CACNA2D4: variants seen among roughly 807,000 people sequenced by gnomAD.
The protein encoded by CACNA2D4 is voltage-dependent calcium channel subunit alpha-2/delta-4.
In CACNA2D4, 157 loss-of-function variants were observed where a neutral mutation model predicts 163.8. That is an observed-to-expected ratio of 0.96 (90% CI 0.84 to 1.09). The LOEUF is 1.09. CACNA2D4 is among the 50% of genes least tolerant of loss of function. CACNA2D4 has a pLI of 0.00. For missense variants in CACNA2D4, 1,410 were observed against 1,479.9 expected, an observed-to-expected ratio of 0.95 and a Z score of 0.78; for synonymous variants, 598 against 586.9, an observed-to-expected ratio of 1.02 and a Z score of -0.27.
In CACNA2D4 at chr12:1,879,865, G is replaced by A; in HGVS notation, c.1502C>T (p.Ala501Val). Residue 501 changes from alanine to valine, a missense_variant, in exon 14 of 38, where the codon GCT (alanine) becomes GTT (valine). Coordinates refer to ENST00000382722, the MANE Select transcript of CACNA2D4 (RefSeq NM_172364.5). ...AGTGGTGAGCAGTGTCAGGCTCTGA[G>A]CCTGCGAGCTGAGGAGCTGTAAGGG... is the stretch of plus-strand genomic sequence containing the variant. ...YMDSKLLSSQ[A>V]QSLTLLTTVA... 1.3e-6 allele frequency: 2 copies of A among 1,599,540 alleles called. No individual in the cohort carries two copies. Among genetic ancestry groups the A allele is most frequent in the South Asian group, 2.3e-5 (2 of 87,970 alleles).
rs564059809 is a variant in CACNA2D4, at chr12:1,913,037, C to T, written c.412G>A (p.Val138Ile). ...GCCTGGAGTACCTGGACCGCCTCGA[C>T]TTTCCTCCGCAGCATGTTCTCCATG... ...EDMENMLRRK[V>I]EAVQNLVEAA... Residue 138 changes from valine to isoleucine, a missense_variant, in exon 3 of 38, where the codon GTC becomes ATC. Coordinates refer to ENST00000382722, the MANE Select transcript of CACNA2D4 (RefSeq NM_172364.5). The T allele has an allele frequency of 6.2e-7, 1 of 1,612,992 alleles. No individual in the cohort carries two copies. Among genetic ancestry groups the T allele is most frequent in the Admixed American group, 1.7e-5 (1 of 60,012 alleles).
intron 18 of CACNA2D4, among the ~76,000 whole-genome samples, chr12:1,872,300 AAGTTTGGCCCC>A (rs1865803253): frequency 6.6e-6 from 1 of 152,134 alleles, no homozygotes; most frequent in East Asian, 1.9e-4. Flanking sequence ...TAACAAATAC[AAGTTTGGCCCC>A]ATAGGTTTCT....
intron 20 of CACNA2D4, among the ~76,000 whole-genome samples, chr12:1,857,797 T>G (rs962021068): frequency 6.6e-6 from 1 of 152,196 alleles, no homozygotes; most frequent in African/African-American, 2.4e-5. Flanking sequence ...TCAAAAGATA[T>G]GTTGAAGTCC....
chr12:1,793,675 G>C lies in CACNA2D4; in HGVS notation c.3394C>G (p.Leu1132Val). The change falls in exon 38 of 38, where the codon CTG becomes GTG. Residue 1132 changes from leucine (L) to valine (V), a missense_variant. Leu to Val is a conservative substitution (Grantham distance 32). Transcript: ENST00000382722. ...LLLPVCAWGL[L>V]PQLLR ...TGGTGTCACCGCAGGAGTTGGGGCA[G>C]TAGCCCCCAGGCACACACAGGCAGC... 6.2e-7 allele frequency: 1 copy of C among 1,613,746 alleles called. No individual in the cohort carries two copies. The highest frequency in any genetic ancestry group is 8.5e-7 in the Non-Finnish European group (1 of 1,179,766).
intron 26 of CACNA2D4, among the ~76,000 whole-genome samples, chr12:1,827,053 G>A (rs1864361342): frequency 6.6e-6 from 1 of 152,244 alleles, no homozygotes; most frequent in African/African-American, 2.4e-5. Flanking sequence ...GAGGCTGGGA[G>A]CCGCCTGGAG....
intron 6 of CACNA2D4, among the ~76,000 whole-genome samples, chr12:1,890,663 A>G (rs906328747): frequency 6.6e-6 from 1 of 152,160 alleles, no homozygotes; most frequent in Admixed American, 6.5e-5. Flanking sequence ...GCATTCCACC[A>G]GGGGCCAAGG....
At chr12:1,822,992 T>C (rs4765846) in intron 26 of CACNA2D4, among the ~76,000 whole-genome samples, 49,845 of 152,154 alleles carry the variant, frequency 0.33, 8,481 homozygotes, top group Admixed American at 0.4. Context: ...GTGGCTCTGC[T>C]TCTCTCTGGC....
chr12:1,811,873 CTG>C, intron 26 of CACNA2D4, 150 bp from the exon 27 acceptor site: 1 of 617,818 alleles, frequency 1.6e-6, no homozygotes, highest in Non-Finnish European at 2.8e-6. Flanking sequence ...AGAGTGCAAA[CTG>C]GGGTTTCTGG....
intron 27 of CACNA2D4, among the ~76,000 whole-genome samples, chr12:1,811,168 T>C (rs1481726470): frequency 6.6e-6 from 1 of 152,118 alleles, no homozygotes; most frequent in African/African-American, 2.4e-5. Flanking sequence ...TGCAGGAGAT[T>C]GAGGCTGAGG....
intron 6 of CACNA2D4, among the ~76,000 whole-genome samples, chr12:1,894,851 A>C (rs2154450184): frequency 6.6e-6 from 1 of 152,226 alleles, no homozygotes; most frequent in Admixed American, 6.5e-5. Flanking sequence ...CACTTTCACC[A>C]CTCCTATTCA....
At chr12:1,867,159 G>A (rs1865670080) in intron 18 of CACNA2D4, among the ~76,000 whole-genome samples, 1 of 152,116 alleles carries the variant, frequency 6.6e-6, no homozygotes, top group African/African-American at 2.4e-5. Flanking sequence ...GGACTATGAA[G>A]TACCCAGATG....
At chr12:1,896,264 C>T (rs1403762965) in intron 6 of CACNA2D4, among the ~76,000 whole-genome samples, 2 of 152,060 alleles carry the variant, frequency 1.3e-5, no homozygotes, top group Non-Finnish European at 2.9e-5. Flanking sequence ...AAAGCTTCTG[C>T]ACAGCAAAGG....
At chr12:1,814,837 A>G (rs1484915628) in intron 26 of CACNA2D4, among the ~76,000 whole-genome samples, 1 of 152,190 alleles carries the variant, frequency 6.6e-6, no homozygotes, top group Non-Finnish European at 1.5e-5. Context: ...TGAAGATCAA[A>G]TCACACCACT....
At chr12:1,846,178 G>C (rs545108671) in intron 24 of CACNA2D4, among the ~76,000 whole-genome samples, 1 of 152,168 alleles carries the variant, frequency 6.6e-6, no homozygotes, top group Non-Finnish European at 1.5e-5. Context: ...ACAGCCAGAA[G>C]ATTCAGCCTG....
intron 34 of CACNA2D4, 129 bp from the exon 35 acceptor site, chr12:1,797,664 G>A: frequency 1.3e-6 from 1 of 749,262 alleles, no homozygotes; most frequent in Non-Finnish European, 2.3e-6. Context: ...GCAGTTCTCA[G>A]GACACGCGTG....
In CACNA2D4 at chr12:1,799,907, C is replaced by T; in HGVS notation, c.2974+93G>A. ...ACGATGCTTCAGGGTCACCTATCCC[C>T]ACTGTCACCCACCCCACAGGGAATG... On this transcript the variant is annotated intron_variant, in intron 33 of 37. Coordinates refer to ENST00000382722, the MANE Select transcript of CACNA2D4 (RefSeq NM_172364.5). The surrounding 1 kb of genome is among the most constrained non-coding windows in gnomAD (Gnocchi z 4.7). 2 of 1,401,560 alleles carry T rather than the reference C, an allele frequency of 1.4e-6. No homozygotes were observed. The highest frequency in any genetic ancestry group is 2.5e-5 in the South Asian group (2 of 79,892). 86.8% of individuals were successfully genotyped at this position (1,401,560 alleles called of 1,614,324 possible). A position where few individuals can be genotyped will look rare whatever the true frequency, so the allele number is the denominator to read the frequency against.
Position 1,820,039 on chromosome 12 carries a change from G to A in CACNA2D4, c.2552-8316C>T, listed in dbSNP as rs891877014. 3.3e-5 allele frequency among the ~76,000 whole-genome samples: 5 copies of A among 152,170 alleles called. No individual in the cohort carries two copies. Among genetic ancestry groups the A allele is most frequent in the Admixed American group, 2.6e-4 (4 of 15,292 alleles). ...GGACATGCCTGTGTACCCTTCTTTCGTATGACCGAGAGAAGGGTTCGGTTT... is the reference window on the plus strand; with the variant it reads ...GGACATGCCTGTGTACCCTTCTTTCATATGACCGAGAGAAGGGTTCGGTTT... On this transcript the variant is annotated intron_variant, in intron 26 of 37. Coordinates refer to ENST00000382722, the MANE Select transcript of CACNA2D4 (RefSeq NM_172364.5). This position sits in a 1 kb window ranked among gnomAD's most constrained non-coding sequence, Gnocchi z 6.0.
At chr12:1,910,775 C>A (rs1222125227) in intron 3 of CACNA2D4, among the ~76,000 whole-genome samples, 1 of 152,070 alleles carries the variant, frequency 6.6e-6, no homozygotes, top group African/African-American at 2.4e-5. Context: ...TGTATGATTC[C>A]ATTTATGTGA....
chr12:1,816,133 G>A (rs35000021), intron 26 of CACNA2D4, among the ~76,000 whole-genome samples: 13,218 of 152,218 alleles, frequency 0.087, 737 homozygotes, highest in Admixed American at 0.19. Context: ...TGCTCGTTCA[G>A]GTGAGTGGTT....
Sources: gnomAD v4.1 joint callset for allele counts (sites outside exome capture counted in the v4.1 genomes callset) on GRCh38, gnomAD v4.1.1 for gene constraint, Gnocchi (gnomAD v3.1) non-coding constraint, MANE v1.5 for transcripts, NCBI Gene and HGNC (gene_info 2026-07-23, HGNC 2026-07-21) for gene names.